Variants in SLC17A7 observed in about 807,000 individuals in gnomAD.
SLC17A7 encodes solute carrier family 17 member 7.
Under a neutral mutation model 59.1 loss-of-function variants are expected in SLC17A7, and 15 were observed. The ratio of observed to expected loss-of-function variants is 0.25; its 90% CI spans 0.17 to 0.39. The LOEUF (loss-of-function observed/expected upper bound fraction) is 0.39. SLC17A7 is among the 10% of genes least tolerant of loss of function. SLC17A7 has a pLI of 1.00. For missense variants in SLC17A7, 499 were observed against 765.1 expected, an observed-to-expected ratio of 0.65 and a Z score of 4.10; for synonymous variants, 353 against 308.9, an observed-to-expected ratio of 1.14 and a Z score of -1.50.
At chr19:49,441,290 C>CT (rs1271117407) in intron 1 of SLC17A7, 28 bp downstream of exon 1, 11 of 1,605,412 alleles carry the variant, frequency 6.9e-6, no homozygotes, top group Non-Finnish European at 9.3e-6. Flanking sequence ...TCCTCCCACT[C>CT]TTCTCCCGGG....
Position 49,431,557 on chromosome 19 carries a change from A to G in SLC17A7, c.1151-109T>C, listed in dbSNP as rs2122292669. 1 of 882,216 alleles carries G rather than the reference A, an allele frequency of 1.1e-6. No individual in the cohort carries two copies. The allele number at this position is 882,216 out of a possible 1,614,324, so 54.6% of individuals were successfully genotyped here. A position where few individuals can be genotyped will look rare whatever the true frequency, so the allele number is the denominator to read the frequency against. ...CTCCAGCCCCAAACCGCGTCTATCC[A>G]CCCCAGTCTGGCCACCTCCACGCCC... On this transcript the variant is annotated intron_variant, in intron 9 of 11. Transcript: ENST00000221485. This position sits in a 1 kb window ranked among gnomAD's most constrained non-coding sequence, Gnocchi z 4.6.
At position 49,433,199 on chromosome 19, in the gene SLC17A7, A is replaced by C. The variant is rs1356480482; in HGVS notation, c.868-239T>G. 21 of 562,226 alleles carry C rather than the reference A, an allele frequency of 3.7e-5. No homozygotes were observed. Among genetic ancestry groups the C allele is most frequent in the Non-Finnish European group, 5.9e-5 (19 of 319,636 alleles). 34.8% of individuals were successfully genotyped at this position (562,226 alleles called of 1,614,324 possible). On this transcript the variant is annotated intron_variant, in intron 7 of 11. Coordinates refer to ENST00000221485, the MANE Select transcript of SLC17A7 (RefSeq NM_020309.4). This position sits in a 1 kb window ranked among gnomAD's most constrained non-coding sequence, Gnocchi z 5.7. ...CCCTATGGTAGCCTCTCAGGTCCGC[A>C]GGTGTCCGGGCCCCTCAGGGACCTG... is the stretch of plus-strand genomic sequence containing the variant.
intron 2 of SLC17A7, chr19:49,435,635 G>C (rs1370865290): frequency 5.4e-6 from 1 of 185,228 alleles, no homozygotes; most frequent in Non-Finnish European, 1.1e-5. Flanking sequence ...CCTGCACAGG[G>C]TCCAGGCGGG....
At position 49,441,459 on chromosome 19, in the gene SLC17A7, G is replaced by C; in HGVS notation, c.-80C>G. ...CCCGCGGGCCCGGGCGGCCGCGTCC[G>C]GGTTCCCGGGGTCCAGCCCCGGCCC... is the stretch of plus-strand genomic sequence containing the variant. On this transcript the variant is annotated 5_prime_UTR_variant, in exon 1 of 12. Transcript: ENST00000221485. 9.3e-7 allele frequency: 1 copy of C among 1,073,768 alleles called. No homozygotes were observed. The highest frequency in any genetic ancestry group is 1.1e-6 in the Non-Finnish European group (1 of 912,652). The allele number at this position is 1,073,768 out of a possible 1,614,324, so 66.5% of individuals were successfully genotyped here.
In SLC17A7 at chr19:49,436,747, C is replaced by T. The variant is rs142277314; in HGVS notation, c.117G>A (p.Gly39=). 6.8e-6 allele frequency: 11 copies of T among 1,609,234 alleles called. No individual in the cohort carries two copies. The African/African-American group carries it at 1.3e-4, about 20-fold the overall frequency. Residue 39 remains glycine (G), a synonymous_variant, in exon 2 of 12, where the codon GGG becomes GGA. Transcript: ENST00000221485. The surrounding 1 kb of genome is among the most constrained non-coding windows in gnomAD (Gnocchi z 4.1). ...GAETLELSAD[G]RPVTTQTRDP... is the part of the protein sequence containing the mutation. ...CCCGGGTCTGCGTGGTCACCGGGCG[C>T]CCATCCGCACTCAGCTCCAGCGTCT...
intron 1 of SLC17A7, chr19:49,437,175 C>A (rs1284368807): frequency 6.3e-6 from 2 of 316,450 alleles, no homozygotes; most frequent in East Asian, 6.6e-5. Flanking sequence ...GGATAAGAGT[C>A]TATTCGAGGA....
Position 49,436,470 on chromosome 19 carries a change from G to T in SLC17A7, c.315+79C>A, listed in dbSNP as rs2078979967. ...GGGGCGTGGCCTGGACGTCTGGTGG[G>T]TGAGTGTGACGTCATGGGGGCGTAG... On this transcript the variant is annotated intron_variant, in intron 2 of 11. Coordinates refer to ENST00000221485, the MANE Select transcript of SLC17A7 (RefSeq NM_020309.4). The surrounding 1 kb of genome is among the most constrained non-coding windows in gnomAD (Gnocchi z 4.1). 1.3e-6 allele frequency: 2 copies of T among 1,545,774 alleles called. No homozygotes were observed. The highest frequency in any genetic ancestry group is 1.8e-6 in the Non-Finnish European group (2 of 1,142,162).
rs777496101 is a variant in SLC17A7 at position 49,431,153 on chromosome 19, GAC to G, written c.1262-13_1262-12del. On this transcript the variant is annotated splice_polypyrimidine_tract_variant and intron_variant, in intron 10 of 11. Coordinates refer to ENST00000221485, the MANE Select transcript of SLC17A7 (RefSeq NM_020309.4). This position sits in a 1 kb window ranked among gnomAD's most constrained non-coding sequence, Gnocchi z 4.6. ...GGTTCACGTTGAACCCTGGCGGAGA[GAC>G]AAGTCGGAAGGCGTCACACCGGAAT... is the stretch of plus-strand genomic sequence containing the variant. 6.2e-7 allele frequency: 1 copy of G among 1,611,062 alleles called. No homozygotes were observed. Among genetic ancestry groups the G allele is most frequent in the Admixed American group, 1.7e-5 (1 of 59,866 alleles).
At chr19:49,437,113 A>G (rs2078982738) in intron 1 of SLC17A7, 1 of 454,292 alleles carries the variant, frequency 2.2e-6, no homozygotes, top group Non-Finnish European at 4.0e-6. Context: ...TTTGGGATTC[A>G]AGAGCCTGTG....
chr19:49,434,951 C>T (rs1042365257), intron 3 of SLC17A7, 69 bp from the exon 4 acceptor site: 2 of 1,490,592 alleles, frequency 1.3e-6, no homozygotes, highest in Non-Finnish European at 1.9e-6. Context: ...CTTTCCCGCC[C>T]ACAGCAAGCT....
At position 49,431,269 on chromosome 19, in the gene SLC17A7, G is replaced by A. The variant is rs567300240; in HGVS notation, c.1261+69C>T. On this transcript the variant is annotated intron_variant, in intron 10 of 11. Coordinates refer to ENST00000221485, the MANE Select transcript of SLC17A7 (RefSeq NM_020309.4). This position sits in a 1 kb window ranked among gnomAD's most constrained non-coding sequence, Gnocchi z 4.6. ...ACCTTTTGTGAGGCTGAGAGGCCCCGTTCCTGAGCCAGGAAGTTCCCTACA... is the reference window on the plus strand; with the variant it reads ...ACCTTTTGTGAGGCTGAGAGGCCCCATTCCTGAGCCAGGAAGTTCCCTACA... The A allele has an allele frequency of 6.3e-7, 1 of 1,586,964 alleles. No homozygotes were observed.
At chr19:49,430,927 T>C in intron 11 of SLC17A7, 88 bp downstream of exon 11, 1 of 1,554,072 alleles carries the variant, frequency 6.4e-7, no homozygotes, top group Non-Finnish European at 8.7e-7. Context: ...AAGGCAGGGA[T>C]GGCACCCCAG....
chr19:49,429,707 G>A lies in SLC17A7; in HGVS notation c.*812C>T. Reference sequence around the variant, plus strand: ...TAAAGTGCGAGGAATTGGGGAGGGGGCATCATGAAACCACCATGGGGGAGT... The same window carrying A: ...TAAAGTGCGAGGAATTGGGGAGGGGACATCATGAAACCACCATGGGGGAGT... On this transcript the variant is annotated 3_prime_UTR_variant, in exon 12 of 12. Transcript: ENST00000221485. The A allele has an allele frequency of 1.0e-5, 4 of 396,428 alleles. No homozygotes were observed. Among genetic ancestry groups the A allele is most frequent in the Non-Finnish European group, 1.8e-5 (4 of 225,022 alleles). The allele number at this position is 396,428 out of a possible 1,614,324, so 24.6% of individuals were successfully genotyped here. A position where few individuals can be genotyped will look rare whatever the true frequency, so the allele number is the denominator to read the frequency against.
Position 49,436,502 on chromosome 19 carries a change from C to T in SLC17A7, c.315+47G>A, listed in dbSNP as rs777620766. 6.3e-7 allele frequency: 1 copy of T among 1,592,014 alleles called. No individual in the cohort carries two copies. Among genetic ancestry groups the T allele is most frequent in the South Asian group, 1.1e-5 (1 of 89,978 alleles). ...TGACGTCATGGGGGCGTAGGCGGAG[C>T]TCGGTGAGCGGGGCGGGGCTCTGCA... On this transcript the variant is annotated intron_variant, in intron 2 of 11. Coordinates refer to ENST00000221485, the MANE Select transcript of SLC17A7 (RefSeq NM_020309.4). The surrounding 1 kb of genome is among the most constrained non-coding windows in gnomAD (Gnocchi z 4.1).
Position 49,433,612 on chromosome 19 carries a change from C to T in SLC17A7, c.867+114G>A, listed in dbSNP as rs751668610. ...TCCTAGGTTCTAGCCCCTCTCTTTG[C>T]GTTCCAGTCCCGTCTCCTCTAGAGT... On this transcript the variant is annotated intron_variant, in intron 7 of 11. Transcript: ENST00000221485. This position sits in a 1 kb window ranked among gnomAD's most constrained non-coding sequence, Gnocchi z 5.7. 5 of 1,467,082 alleles carry T rather than the reference C, an allele frequency of 3.4e-6. No individual in the cohort carries two copies. In the Admixed American group the frequency reaches 7.4e-5, roughly 22 times the overall value. 90.9% of individuals were successfully genotyped at this position (1,467,082 alleles called of 1,614,324 possible). A position where few individuals can be genotyped will look rare whatever the true frequency, so the allele number is the denominator to read the frequency against.
chr19:49,436,998 A>C lies in SLC17A7; in HGVS notation c.63-197T>G. 3 of 677,272 alleles carry C rather than the reference A, an allele frequency of 4.4e-6. No homozygotes were observed. Among genetic ancestry groups the C allele is most frequent in the Non-Finnish European group, 2.4e-6 (1 of 415,032 alleles). The allele number at this position is 677,272 out of a possible 1,614,324, so 42.0% of individuals were successfully genotyped here. A position where few individuals can be genotyped will look rare whatever the true frequency, so the allele number is the denominator to read the frequency against. On this transcript the variant is annotated intron_variant, in intron 1 of 11. Transcript: ENST00000221485. This position sits in a 1 kb window ranked among gnomAD's most constrained non-coding sequence, Gnocchi z 4.1. ...ATCCTCCATCTCCCTCAGACCGGGA[A>C]TTCAGGCCCCCAGCCCCCTCCTTCT...
chr19:49,436,418 C>G lies in SLC17A7; in HGVS notation c.315+131G>C. 4 of 1,245,022 alleles carry G rather than the reference C, an allele frequency of 3.2e-6. No individual in the cohort carries two copies. The highest frequency in any genetic ancestry group is 3.3e-6 in the Non-Finnish European group (3 of 898,226). 77.1% of individuals were successfully genotyped at this position (1,245,022 alleles called of 1,614,324 possible). On this transcript the variant is annotated intron_variant, in intron 2 of 11. Transcript: ENST00000221485. The surrounding 1 kb of genome is among the most constrained non-coding windows in gnomAD (Gnocchi z 4.1). Reference sequence around the variant, plus strand: ...AGAACTAAGGGGCGCACGGATTGGGCGGAGCTATTCCGACAGCGTTTCGGA... The same window carrying G: ...AGAACTAAGGGGCGCACGGATTGGGGGGAGCTATTCCGACAGCGTTTCGGA...
Position 49,436,662 on chromosome 19 carries a change from T to C in SLC17A7, c.202A>G (p.Met68Val). ...CTGATGCAGAAGCCCAGACCACTCA[T>C]GATGGCGATAATGTAGCGGCGAGGG... ...GLPRRYIIAIMSGLGFCISFG... is the reference protein window; with the variant it reads ...GLPRRYIIAIVSGLGFCISFG... The change falls in exon 2 of 12, where the codon ATG becomes GTG. Residue 68 changes from methionine to valine, a missense_variant. By Grantham distance (21) the Met-to-Val change is conservative. This residue lies in a region of SLC17A7 where 323 missense variants were observed against 607.2 expected (regional missense o/e 0.53). Coordinates refer to ENST00000221485, the MANE Select transcript of SLC17A7 (RefSeq NM_020309.4). The surrounding 1 kb of genome is among the most constrained non-coding windows in gnomAD (Gnocchi z 4.1). 3 of 1,613,970 alleles carry C rather than the reference T, an allele frequency of 1.9e-6. No individual in the cohort carries two copies. The African/African-American group carries it at 4.0e-5, about 22-fold the overall frequency.
chr19:49,435,491 G>A (rs2122300328), intron 2 of SLC17A7: 1 of 520,632 alleles, frequency 1.9e-6, no homozygotes, highest in East Asian at 3.2e-5. Context: ...GGCCTATGCT[G>A]CCTTAACAAC....
Sources: allele counts gnomAD v4.1 joint callset, GRCh38; gene constraint gnomAD v4.1.1; regional missense constraint gnomAD v4.1.1; non-coding constraint Gnocchi (gnomAD v3.1); transcripts MANE v1.5; gene names NCBI Gene and HGNC (gene_info 2026-07-23, HGNC 2026-07-21).